Variants in MOCS1 observed in about 807,000 individuals in gnomAD.
MOCS1 encodes the protein molybdenum cofactor biosynthesis protein 1.
In MOCS1, 39 loss-of-function variants were observed where a neutral mutation model predicts 57.6. That is an observed-to-expected ratio of 0.68 (90% confidence interval 0.52 to 0.88). The LOEUF (loss-of-function observed/expected upper bound fraction) is 0.88. Among genes scored for constraint, MOCS1 ranks in the 40% least tolerant of loss-of-function variants. The probability of loss-of-function intolerance (pLI) is 0.00; values close to 1 mark genes in which losing one functional copy is unlikely to be tolerated. For synonymous variants in MOCS1, 334 were observed against 335.7 expected, an observed-to-expected ratio of 1.00 and a Z score of 0.05; for missense variants, 795 against 831.1, an observed-to-expected ratio of 0.96 and a Z score of 0.53.
intron 1 of MOCS1, among the ~76,000 whole-genome samples, chr6:39,930,628 G>T (rs1768597796): frequency 6.6e-6 from 1 of 152,154 alleles, no homozygotes; most frequent in Non-Finnish European, 1.5e-5. Context: ...CACTCAAGGA[G>T]CTTCAAGAAG....
Position 39,919,279 on chromosome 6 carries a change from G to A in MOCS1, c.419-3047C>T, listed in dbSNP as rs1413782326. On this transcript the variant is annotated intron_variant, in intron 3 of 10. Coordinates refer to ENST00000340692, the MANE Select transcript of MOCS1 (RefSeq NM_001358530.2). ...GCAGGTGGATCACTTGAGGTCAGGA[G>A]TTCAAGACCAGCCTGCCCAACGTAG... Among the ~76,000 whole-genome samples, 3 of 152,288 alleles carry A rather than the reference G, an allele frequency of 2.0e-5. No individual in the cohort carries two copies. In the East Asian group the frequency reaches 5.8e-4, roughly 29 times the overall value.
intron 1 of MOCS1, among the ~76,000 whole-genome samples, chr6:39,928,242 G>A (rs1768451230): frequency 1.3e-5 from 2 of 149,906 alleles, no homozygotes; most frequent in Non-Finnish European, 3.0e-5. Context: ...TTGGCTCACT[G>A]CAAACTCCAC....
In MOCS1 at chr6:39,905,308, A is replaced by T; in HGVS notation, c.*1049T>A. Reference sequence around the variant, plus strand: ...CACCACCTGACAAAAGATTTCCCTTAGATGGTGCATTTCTATGCCCCCTAC... The same window carrying T: ...CACCACCTGACAAAAGATTTCCCTTTGATGGTGCATTTCTATGCCCCCTAC... On this transcript the variant is annotated 3_prime_UTR_variant, in exon 11 of 11. Transcript: ENST00000340692. The T allele has an allele frequency of 4.4e-6, 2 of 455,890 alleles. No individual in the cohort carries two copies. Among genetic ancestry groups the T allele is most frequent in the Non-Finnish European group, 8.8e-6 (2 of 226,962 alleles). 28.2% of individuals were successfully genotyped at this position (455,890 alleles called of 1,614,324 possible).
rs1322281312 is a variant in MOCS1, at chr6:39,906,549, A to G, written c.1719T>C (p.His573=). ...GGCAAGATGCCTGGATCTTCACGGC[A>G]TGGCGTGTGCTGTCCAGCTCCAGCT... ...QVQLELDSTR[H]AVKIQASCRA... Residue 573 remains histidine (H), a synonymous_variant, in exon 11 of 11, where the codon CAT becomes CAC. Coordinates refer to ENST00000340692, the MANE Select transcript of MOCS1 (RefSeq NM_001358530.2). 1 of 1,613,708 alleles carries G rather than the reference A, an allele frequency of 6.2e-7. No individual in the cohort carries two copies. Among genetic ancestry groups the G allele is most frequent in the African/African-American group, 1.3e-5 (1 of 74,946 alleles).
At position 39,904,330 on chromosome 6, in the gene MOCS1, G is replaced by A. The variant is rs774443083; in HGVS notation, c.*2027C>T. On this transcript the variant is annotated 3_prime_UTR_variant, in exon 11 of 11. Coordinates refer to ENST00000340692, the MANE Select transcript of MOCS1 (RefSeq NM_001358530.2). ...AGTGGCTCTGGTGCTAGATGCCACT[G>A]TAGCCAGATCTCCAACAGTGCCTTG... is the stretch of plus-strand genomic sequence containing the variant. 1 of 456,706 alleles carries A rather than the reference G, an allele frequency of 2.2e-6. No homozygotes were observed. The highest frequency in any genetic ancestry group is 6.9e-5 in the East Asian group (1 of 14,396). 28.3% of individuals were successfully genotyped at this position (456,706 alleles called of 1,614,324 possible).
chr6:39,931,330 C>T (rs1442298732), intron 1 of MOCS1, among the ~76,000 whole-genome samples: 2 of 152,174 alleles, frequency 1.3e-5, no homozygotes, highest in Non-Finnish European at 2.9e-5. Context: ...CCTCAAATAG[C>T]TCCAAAGTCT....
intron 7 of MOCS1, 99 bp from the exon 8 acceptor site, chr6:39,912,473 T>G: frequency 1.1e-6 from 1 of 877,382 alleles, no homozygotes; most frequent in South Asian, 1.4e-5. Flanking sequence ...TCCTCAACCC[T>G]CTCCCAGAGG....
intron 10 of MOCS1, among the ~76,000 whole-genome samples, chr6:39,907,376 G>A (rs774078160): frequency 8.6e-5 from 13 of 151,984 alleles, no homozygotes; most frequent in South Asian, 2.1e-4. Context: ...CTGTGCCACC[G>A]TGGCACAGGG....
chr6:39,904,713 C>T lies in MOCS1; in HGVS notation c.*1644G>A. The T allele has an allele frequency of 2.2e-6, 1 of 454,112 alleles. No individual in the cohort carries two copies. The highest frequency in any genetic ancestry group is 4.4e-6 in the Non-Finnish European group (1 of 226,784). The allele number at this position is 454,112 out of a possible 1,614,324, so 28.1% of individuals were successfully genotyped here. A position where few individuals can be genotyped will look rare whatever the true frequency, so the allele number is the denominator to read the frequency against. On this transcript the variant is annotated 3_prime_UTR_variant, in exon 11 of 11. Transcript: ENST00000340692. ...GACTATCTATCTCCCCCGACTTCTA[C>T]CAGGGATGCCTTCACGCCAAGGCTG...
intron 1 of MOCS1, among the ~76,000 whole-genome samples, chr6:39,930,257 C>T (rs567763461): frequency 6.6e-6 from 1 of 152,252 alleles, no homozygotes; most frequent in African/African-American, 2.4e-5. Context: ...GTCAAAGGAG[C>T]CCAAGATTCA....
Position 39,927,272 on chromosome 6 carries a change from A to C in MOCS1, c.250+57T>G, listed in dbSNP as rs1484337499. The C allele has an allele frequency of 3.8e-6, 6 of 1,594,964 alleles. No individual in the cohort carries two copies. The African/African-American group carries it at 6.7e-5, about 18-fold the overall frequency. ...GGATTTCCAGGCACAGGGAAATTTC[A>C]AGGGCTGCTTCAGCAGATGGACACC... On this transcript the variant is annotated intron_variant, in intron 2 of 10. Coordinates refer to ENST00000340692, the MANE Select transcript of MOCS1 (RefSeq NM_001358530.2).
At chr6:39,932,022 G>A (rs116862472) in intron 1 of MOCS1, among the ~76,000 whole-genome samples, 1,944 of 151,988 alleles carry the variant, frequency 0.013, 17 homozygotes, top group East Asian at 0.046. Context: ...GAAGCTACTC[G>A]ACCTGTTCTT....
intron 3 of MOCS1, among the ~76,000 whole-genome samples, chr6:39,916,777 C>T (rs1480250857): frequency 6.6e-6 from 1 of 152,002 alleles, no homozygotes; most frequent in African/African-American, 2.4e-5. Flanking sequence ...GAAAGAATGC[C>T]GTAGATAGCC....
chr6:39,908,318 T>C (rs1767082043), intron 10 of MOCS1, among the ~76,000 whole-genome samples: 1 of 152,130 alleles, frequency 6.6e-6, no homozygotes, highest in Admixed American at 6.5e-5. Flanking sequence ...CAGAACTGAC[T>C]GCGAGCAAAG....
intron 10 of MOCS1, among the ~76,000 whole-genome samples, chr6:39,908,045 T>C (rs923784010): frequency 5.3e-5 from 8 of 152,118 alleles, no homozygotes; most frequent in Admixed American, 4.6e-4. Flanking sequence ...GCCATGAAGG[T>C]GCCTCAGCAT....
In MOCS1 at chr6:39,904,398, CCA is replaced by C. The variant is rs2149390198; in HGVS notation, c.*1957_*1958del. 1 of 456,028 alleles carries C rather than the reference CCA, an allele frequency of 2.2e-6. No individual in the cohort carries two copies. Among genetic ancestry groups the C allele is most frequent in the East Asian group, 6.9e-5 (1 of 14,398 alleles). 28.2% of individuals were successfully genotyped at this position (456,028 alleles called of 1,614,324 possible). ...CAACTGAGTAAGAAGGGGCTGGTGC[CCA>C]GTCGGGGTGGCTGAGCTGGTCCTTA... On this transcript the variant is annotated 3_prime_UTR_variant, in exon 11 of 11. Coordinates refer to ENST00000340692, the MANE Select transcript of MOCS1 (RefSeq NM_001358530.2).
chr6:39,920,987 AG>A lies in MOCS1; in HGVS notation c.418+4690del, dbSNP rs559002614. Among the ~76,000 whole-genome samples, 546 of 143,912 alleles carry A rather than the reference AG, an allele frequency of 3.8e-3. 3 individuals are homozygous for A. The highest frequency in any genetic ancestry group is 0.012 in the African/African-American group (470 of 39,018). The allele number at this position is 143,912 out of a possible 152,430, so 94.4% of individuals were successfully genotyped here. A position where few individuals can be genotyped will look rare whatever the true frequency, so the allele number is the denominator to read the frequency against. On this transcript the variant is annotated intron_variant, in intron 3 of 10. Transcript: ENST00000340692. Reference sequence around the variant, plus strand: ...CTAGATCCGGTCTCCCAAAAAAAAAAGGGGGGGGGACAGGGCAGCAAGAAAA... The same window carrying A: ...CTAGATCCGGTCTCCCAAAAAAAAAAGGGGGGGGACAGGGCAGCAAGAAAA...
Position 39,906,409 on chromosome 6 carries a change from A to G in MOCS1, c.1859T>C (p.Ile620Thr), listed in dbSNP as rs774192324. The stretch of plus-strand genomic sequence containing the variant: ...ACCACCAGTCTTGCTAATGAGCTTG[A>G]TCTCCTCCAACACGATGTCCCTGCT... ...AVSRDIVLEEIKLISKTGGQR... is the reference protein window; with the variant it reads ...AVSRDIVLEETKLISKTGGQR... Residue 620 changes from isoleucine (I) to threonine (T), a missense_variant, in exon 11 of 11, where the codon ATC becomes ACC. Ile to Thr is a moderately conservative substitution (Grantham distance 89, BLOSUM62 -1). This residue lies in a region of MOCS1 where 374 missense variants were observed against 422.6 expected (regional missense o/e 0.89). Transcript: ENST00000340692. The G allele has an allele frequency of 6.2e-6, 10 of 1,603,028 alleles. No individual in the cohort carries two copies. In the South Asian group the frequency reaches 1.1e-4, roughly 18 times the overall value.
At chr6:39,909,793 C>T (rs1265427526) in intron 9 of MOCS1, 42 bp downstream of exon 9, 3 of 1,608,588 alleles carry the variant, frequency 1.9e-6, no homozygotes, top group East Asian at 2.2e-5. Flanking sequence ...AGGGACAAGG[C>T]CCACTCACCA....
Sources: allele counts gnomAD v4.1 joint callset (sites outside exome capture counted in the v4.1 genomes callset), GRCh38; gene constraint gnomAD v4.1.1; regional missense constraint gnomAD v4.1.1; transcripts MANE v1.5; gene names NCBI Gene and HGNC (gene_info 2026-07-23, HGNC 2026-07-21).